Variants in UTS2 observed in about 807,000 individuals in gnomAD.
The protein encoded by UTS2 is urotensin-2.
Under a neutral mutation model 12.6 loss-of-function variants are expected in UTS2, and 10 were observed. That is an observed-to-expected ratio of 0.80 (90% CI 0.49 to 1.35). The LOEUF is 1.35. Ranked by LOEUF, UTS2 falls within the 40% of genes most tolerant of loss-of-function variation. The pLI is 0.00. For missense variants in UTS2, 142 were observed against 143.2 expected (o/e 0.99, Z 0.04); for synonymous variants, 52 against 50.0 (o/e 1.04, Z -0.17).
chr1:7,860,697 G>A, the UTS2 span, among the ~76,000 whole-genome samples: 1 of 151,946 alleles, frequency 6.6e-6, no homozygotes, highest in Non-Finnish European at 1.5e-5. Context: ...GCCTCCCAAG[G>A]TGCTGGGATT....
the UTS2 span, among the ~76,000 whole-genome samples, chr1:7,898,026 C>T: frequency 1.3e-5 from 2 of 152,148 alleles, no homozygotes; most frequent in South Asian, 2.1e-4. Flanking sequence ...TATGACCAAC[C>T]ATCTTGATAA....
the UTS2 span, among the ~76,000 whole-genome samples, chr1:7,902,880 C>T: frequency 2.0e-5 from 3 of 152,264 alleles, no homozygotes; most frequent in East Asian, 5.8e-4. Flanking sequence ...GGGTTCCTTC[C>T]GCGCTCAGAG....
At chr1:7,859,412 G>C in the UTS2 span, among the ~76,000 whole-genome samples, 1 of 152,228 alleles carries the variant, frequency 6.6e-6, no homozygotes, top group Non-Finnish European at 1.5e-5. Flanking sequence ...CCCCGTGCTG[G>C]TCCCCTCAAG....
chr1:7,896,472 G>A, the UTS2 span, among the ~76,000 whole-genome samples: 3 of 152,130 alleles, frequency 2.0e-5, no homozygotes, highest in African/African-American at 7.2e-5. Context: ...ATTTGTGTGT[G>A]TATGTGTGTG....
At chr1:7,874,702 G>A in the UTS2 span, among the ~76,000 whole-genome samples, 6 of 152,182 alleles carry the variant, frequency 3.9e-5, no homozygotes, top group Non-Finnish European at 8.8e-5. Context: ...TTGTGATATG[G>A]TTTGGCTGTG....
At chr1:7,874,990 C>G in the UTS2 span, among the ~76,000 whole-genome samples, 2 of 152,170 alleles carry the variant, frequency 1.3e-5, no homozygotes, top group Non-Finnish European at 2.9e-5. Flanking sequence ...CCATGCAGAA[C>G]TGTGAGTTAA....
At chr1:7,860,592 C>T in the UTS2 span, among the ~76,000 whole-genome samples, 1 of 152,070 alleles carries the variant, frequency 6.6e-6, no homozygotes, top group Non-Finnish European at 1.5e-5. Context: ...TTTTTCGAGA[C>T]AGGGCCTCAC....
At chr1:7,891,208 C>G in the UTS2 span, among the ~76,000 whole-genome samples, 1 of 152,034 alleles carries the variant, frequency 6.6e-6, no homozygotes, top group African/African-American at 2.4e-5. Flanking sequence ...TACAAAGTAT[C>G]GGTTAGAGAG....
chr1:7,902,550 G>A, the UTS2 span, among the ~76,000 whole-genome samples: 3 of 152,102 alleles, frequency 2.0e-5, no homozygotes, highest in Non-Finnish European at 4.4e-5. Context: ...TATGGGGGAA[G>A]GGCGTCCCTA....
chr1:7,905,262 G>A, the UTS2 span, among the ~76,000 whole-genome samples: 1 of 151,314 alleles, frequency 6.6e-6, no homozygotes, highest in African/African-American at 2.4e-5. Context: ...TCCTGCCTCA[G>A]CCTCCTGCGA....
chr1:7,909,724 A>G, the UTS2 span, among the ~76,000 whole-genome samples: 4 of 151,694 alleles, frequency 2.6e-5, no homozygotes, highest in Admixed American at 6.6e-5. Flanking sequence ...AGGTTCAAGC[A>G]ATTCTTCTGT....
chr1:7,877,152 AAGAAACATGAAAAAAC>A, the UTS2 span, among the ~76,000 whole-genome samples: 55 of 125,736 alleles, frequency 4.4e-4, no homozygotes, highest in African/African-American at 1.8e-3. Flanking sequence ...AGAAAAAAAA[AAGAAACATGAAAAAAC>A]AAGAAACATG....
chr1:7,864,488 CCTT>C, the UTS2 span, among the ~76,000 whole-genome samples: 2 of 152,164 alleles, frequency 1.3e-5, no homozygotes, highest in Non-Finnish European at 2.9e-5. Flanking sequence ...GCCTCTGGTC[CCTT>C]CTTTGAGTTT....
chr1:7,892,280 T>C, the UTS2 span, among the ~76,000 whole-genome samples: 1 of 152,102 alleles, frequency 6.6e-6, no homozygotes, highest in Non-Finnish European at 1.5e-5. Context: ...CTCACTGAGC[T>C]AAGATCGAGC....
chr1:7,889,031 G>A, the UTS2 span, among the ~76,000 whole-genome samples: 2 of 151,810 alleles, frequency 1.3e-5, no homozygotes, highest in Non-Finnish European at 1.5e-5. Flanking sequence ...TGCTCATAAA[G>A]GGAAACGCTC....
the UTS2 span, among the ~76,000 whole-genome samples, chr1:7,895,096 C>T: frequency 1.4e-4 from 22 of 152,250 alleles, no homozygotes; most frequent in Admixed American, 1.2e-3. Flanking sequence ...AGGCCTGGCA[C>T]GGTGGCTCAC....
chr1:7,912,644 C>T, the UTS2 span, among the ~76,000 whole-genome samples: 5 of 152,050 alleles, frequency 3.3e-5, no homozygotes, highest in Non-Finnish European at 7.4e-5. Context: ...TTAGTAGAGA[C>T]GGTGTTTCAC....
intron 2 of UTS2, among the ~76,000 whole-genome samples, chr1:7,850,173 T>G (rs1425297837): frequency 6.6e-6 from 1 of 152,088 alleles, no homozygotes; most frequent in Non-Finnish European, 1.5e-5. Flanking sequence ...TTTCACCATG[T>G]TGGCCAGGCT....
chr1:7,901,561 A>G, the UTS2 span, among the ~76,000 whole-genome samples: 1 of 152,106 alleles, frequency 6.6e-6, no homozygotes, highest in East Asian at 1.9e-4. Flanking sequence ...ATGTAAATAT[A>G]TACATACAGC....
Sources: allele counts gnomAD v4.1 joint callset (sites outside exome capture counted in the v4.1 genomes callset), GRCh38; gene constraint gnomAD v4.1.1; transcripts MANE v1.5; gene names NCBI Gene and HGNC (gene_info 2026-07-23, HGNC 2026-07-21).